The following PLCB1 variants were observed in gnomAD, a reference collection of about 807,000 sequenced individuals.
The protein encoded by PLCB1 is phospholipase C beta 1.
PLCB1 carries 46 observed loss-of-function variants against 161.8 expected under a neutral mutation model. The ratio of observed to expected loss-of-function variants is 0.28; its 90% CI spans 0.22 to 0.36. The LOEUF (loss-of-function observed/expected upper bound fraction) is 0.36, where lower values mean the gene tolerates loss of function less well. PLCB1 is among the 10% of genes least tolerant of loss of function. The pLI is 1.00. For missense variants in PLCB1, 1,016 were observed against 1,472.5 expected (o/e 0.69, Z 5.07); for synonymous variants, 517 against 503.7 (o/e 1.03, Z -0.35).
intron 1 of PLCB1, among the ~76,000 whole-genome samples, chr20:8,140,370 G>A (rs893404363): frequency 5.3e-5 from 8 of 152,090 alleles, no homozygotes; most frequent in South Asian, 4.1e-4. Context: ...GGCCTTTTGC[G>A]GTTCTAGGAT....
intron 3 of PLCB1, among the ~76,000 whole-genome samples, chr20:8,494,352 T>A (rs1240325331): frequency 6.6e-6 from 1 of 152,198 alleles, no homozygotes; most frequent in African/African-American, 2.4e-5. Flanking sequence ...AATTCTAAGA[T>A]AATAATTACC....
chr20:8,711,715 G>A (rs1470571090), intron 12 of PLCB1, among the ~76,000 whole-genome samples: 1 of 152,098 alleles, frequency 6.6e-6, no homozygotes, highest in Non-Finnish European at 1.5e-5. Context: ...AAAGAAAACC[G>A]ATAAGCTTTC....
At chr20:8,444,045 AT>A (rs372434067) in intron 3 of PLCB1, among the ~76,000 whole-genome samples, 12 of 148,864 alleles carry the variant, frequency 8.1e-5, no homozygotes, top group East Asian at 3.9e-4. Flanking sequence ...CCAATACCTG[AT>A]TTTTTTTTTG....
chr20:8,626,917 C>A (rs868289876), intron 3 of PLCB1, among the ~76,000 whole-genome samples: 1 of 152,182 alleles, frequency 6.6e-6, no homozygotes, highest in Non-Finnish European at 1.5e-5. Flanking sequence ...CTCCTTTAAT[C>A]TTTCGTTAAT....
chr20:8,221,481 C>T (rs1979404953), intron 2 of PLCB1, among the ~76,000 whole-genome samples: 1 of 152,088 alleles, frequency 6.6e-6, no homozygotes, highest in Non-Finnish European at 1.5e-5. Flanking sequence ...CTTACAATTT[C>T]TTTACAGATT....
intron 24 of PLCB1, 64 bp from the exon 25 acceptor site, chr20:8,760,343 G>T: frequency 1.0e-6 from 1 of 975,562 alleles, no homozygotes; most frequent in Non-Finnish European, 1.6e-6. Context: ...ATGTTTGTTT[G>T]TTTACAGGAA....
At chr20:8,218,516 A>G (rs994387651) in intron 2 of PLCB1, among the ~76,000 whole-genome samples, 3 of 152,104 alleles carry the variant, frequency 2.0e-5, no homozygotes, top group African/African-American at 4.8e-5. Flanking sequence ...TTAATTCCTC[A>G]GTTACCTCTA....
chr20:8,351,636 C>T (rs556282878), intron 2 of PLCB1, among the ~76,000 whole-genome samples: 13 of 151,844 alleles, frequency 8.6e-5, no homozygotes, highest in South Asian at 6.2e-4. Context: ...CCTTAAAACC[C>T]GACAAGAAGA....
At chr20:8,814,569 G>C (rs978262623) in intron 31 of PLCB1, among the ~76,000 whole-genome samples, 8 of 134,454 alleles carry the variant, frequency 5.9e-5, no homozygotes, top group African/African-American at 2.0e-4. Flanking sequence ...CCTATGGTAT[G>C]TACTTGCATG....
intron 9 of PLCB1, among the ~76,000 whole-genome samples, chr20:8,683,922 C>T (rs1990282472): frequency 1.3e-5 from 2 of 151,064 alleles, no homozygotes; most frequent in Non-Finnish European, 2.9e-5. Flanking sequence ...CTCGCTCTGT[C>T]ACCCAGGCTG....
intron 2 of PLCB1, among the ~76,000 whole-genome samples, chr20:8,315,256 T>A (rs1600307802): frequency 6.6e-6 from 1 of 152,024 alleles, no homozygotes; most frequent in African/African-American, 2.4e-5. Flanking sequence ...CAGAAAAGGG[T>A]GAAGCAATTG....
intron 18 of PLCB1, chr20:8,732,091 G>A (rs1980281004): frequency 6.6e-6 from 1 of 152,004 alleles, no homozygotes; most frequent in African/African-American, 2.4e-5. Context: ...ACGTTCATCT[G>A]ATGCACTGAG....
chr20:8,716,752 T>C (rs1979336700), intron 13 of PLCB1, among the ~76,000 whole-genome samples: 1 of 152,234 alleles, frequency 6.6e-6, no homozygotes, highest in Non-Finnish European at 1.5e-5. Flanking sequence ...CCCTGCTGGC[T>C]GTTCTCTATT....
At position 8,254,799 on chromosome 20, in the gene PLCB1, G is replaced by A. The variant is rs892750997; in HGVS notation, c.177+104428G>A. Among the ~76,000 whole-genome samples the A allele has an allele frequency of 9.9e-5, 15 of 152,006 alleles. No homozygotes were observed. In the East Asian group the frequency reaches 2.9e-3, roughly 29 times the overall value. ...TAGATTACCAGGACATGGGAAAATG[G>A]TGTCATATGTCTTAGTTGCTGAAGG... On this transcript the variant is annotated intron_variant, in intron 2 of 31. Coordinates refer to ENST00000338037, the MANE Select transcript of PLCB1 (RefSeq NM_015192.4).
chr20:8,437,231 T>A (rs957631856), intron 3 of PLCB1, among the ~76,000 whole-genome samples: 3 of 152,186 alleles, frequency 2.0e-5, no homozygotes, highest in Middle Eastern at 3.2e-3. Flanking sequence ...AACGTTCCAT[T>A]ACTGAGACAA....
chr20:8,751,101 AAT>A, intron 23 of PLCB1: 1 of 153,200 alleles, frequency 6.5e-6, no homozygotes, highest in Non-Finnish European at 1.4e-5. Flanking sequence ...AAGCCCGGCT[AAT>A]TTTTTTTTTT....
intron 3 of PLCB1, among the ~76,000 whole-genome samples, chr20:8,553,265 A>G (rs937277870): frequency 2.6e-5 from 4 of 152,186 alleles, no homozygotes; most frequent in Non-Finnish European, 5.9e-5. Context: ...GGTTTCTGCT[A>G]TTGCAAGGCA....
At chr20:8,428,538 T>C (rs980694089) in intron 3 of PLCB1, among the ~76,000 whole-genome samples, 1 of 152,198 alleles carries the variant, frequency 6.6e-6, no homozygotes, top group Non-Finnish European at 1.5e-5. Flanking sequence ...AGGGTTTTTA[T>C]AGATGTGTTT....
chr20:8,172,352 C>T (rs905006293), intron 2 of PLCB1, among the ~76,000 whole-genome samples: 5 of 151,984 alleles, frequency 3.3e-5, no homozygotes, highest in Admixed American at 2.0e-4. Flanking sequence ...GAGGGATAAG[C>T]CATGTGGTTG....
Sources: allele counts gnomAD v4.1 joint callset (sites outside exome capture counted in the v4.1 genomes callset), GRCh38; gene constraint gnomAD v4.1.1; transcripts MANE v1.5; gene names NCBI Gene and HGNC (gene_info 2026-07-23, HGNC 2026-07-21).